ZNF503: variants seen among roughly 807,000 people sequenced by gnomAD.
ZNF503 encodes the protein zinc finger protein 503.
A neutral mutation model predicts 34.4 loss-of-function variants in ZNF503; 15 were observed. The ratio of observed to expected loss-of-function variants is 0.44; its 90% confidence interval spans 0.29 to 0.67. The LOEUF (loss-of-function observed/expected upper bound fraction) is 0.67, where lower values mean the gene tolerates loss of function less well. Among genes scored for constraint, ZNF503 ranks in the 30% least tolerant of loss-of-function variants. ZNF503 has a pLI of 0.13. For missense variants in ZNF503, 1,007 were observed against 926.8 expected (o/e 1.09, Z -1.12); for synonymous variants, 580 against 456.8 (o/e 1.27, Z -3.44).
At position 75,398,522 on chromosome 10, in the gene ZNF503, C is replaced by G; in HGVS notation, c.*227G>C. ...AAAAAGTCAAATGATATTTTTTCAACTTTTATAAAGTTTGGGTGGGGAGGT... is the reference window on the plus strand; with the variant it reads ...AAAAAGTCAAATGATATTTTTTCAAGTTTTATAAAGTTTGGGTGGGGAGGT... On this transcript the variant is annotated 3_prime_UTR_variant, in exon 2 of 2. Transcript: ENST00000372524. 1 of 396,588 alleles carries G rather than the reference C, an allele frequency of 2.5e-6. No homozygotes were observed. Among genetic ancestry groups the G allele is most frequent in the Non-Finnish European group, 4.4e-6 (1 of 226,972 alleles). The allele number at this position is 396,588 out of a possible 1,614,324, so 24.6% of individuals were successfully genotyped here. A position where few individuals can be genotyped will look rare whatever the true frequency, so the allele number is the denominator to read the frequency against.
chr10:75,375,983 C>T, the ZNF503 span, among the ~76,000 whole-genome samples: 9 of 152,078 alleles, frequency 5.9e-5, no homozygotes, highest in South Asian at 2.1e-4. Context: ...GAGTGGGAAC[C>T]GGAGGTACTG....
the ZNF503 span, among the ~76,000 whole-genome samples, chr10:75,388,757 G>A: frequency 6.6e-6 from 1 of 152,178 alleles, no homozygotes; most frequent in Non-Finnish European, 1.5e-5. Context: ...ACTTATTGCA[G>A]TTGATCACAC....
the ZNF503 span, among the ~76,000 whole-genome samples, chr10:75,371,310 G>C: frequency 2.0e-5 from 3 of 152,192 alleles, no homozygotes; most frequent in African/African-American, 4.8e-5. Flanking sequence ...AATACAGGAG[G>C]CCACTCAGCC....
At chr10:75,389,842 ATTAT>A in the ZNF503 span, among the ~76,000 whole-genome samples, 2 of 152,188 alleles carry the variant, frequency 1.3e-5, no homozygotes, top group African/African-American at 4.8e-5. Context: ...TTACACTATA[ATTAT>A]TTAAGGCAAG....
the ZNF503 span, among the ~76,000 whole-genome samples, chr10:75,303,646 C>A: frequency 6.6e-6 from 1 of 152,114 alleles, no homozygotes; most frequent in African/African-American, 2.4e-5. Context: ...CACTTTTCTG[C>A]AAGCAGTCAT....
chr10:75,318,755 G>A, the ZNF503 span, among the ~76,000 whole-genome samples: 2 of 150,422 alleles, frequency 1.3e-5, no homozygotes, highest in Non-Finnish European at 3.0e-5. Context: ...TAAACAGAAA[G>A]GAAATAATAA....
At chr10:75,288,921 T>C in the ZNF503 span, among the ~76,000 whole-genome samples, 2 of 152,114 alleles carry the variant, frequency 1.3e-5, no homozygotes, top group Non-Finnish European at 2.9e-5. Flanking sequence ...ACCAGGCGCT[T>C]GGTTGAGGGG....
At chr10:75,373,257 G>A in the ZNF503 span, 2 of 152,378 alleles carry the variant, frequency 1.3e-5, no homozygotes, top group Admixed American at 1.3e-4. Context: ...GGCAGATGGA[G>A]GCACAAAGGC....
chr10:75,289,480 C>T, the ZNF503 span, among the ~76,000 whole-genome samples: 4 of 152,194 alleles, frequency 2.6e-5, no homozygotes, highest in East Asian at 1.9e-4. Context: ...TCATCAGGGC[C>T]AACTCGAAGA....
chr10:75,401,531 G>T lies in ZNF503; in HGVS notation c.-112C>A. On this transcript the variant is annotated 5_prime_UTR_variant, in exon 1 of 2. Coordinates refer to ENST00000372524, the MANE Select transcript of ZNF503 (RefSeq NM_032772.6). ...AGGAGCAGCGGGAGGAGGAGGAGCT[G>T]GCGCGGCGGCCACGGGCGCCCAGCG... is the stretch of plus-strand genomic sequence containing the variant. 7.4e-7 allele frequency: 1 copy of T among 1,343,878 alleles called. No individual in the cohort carries two copies. Among genetic ancestry groups the T allele is most frequent in the Non-Finnish European group, 1.0e-6 (1 of 1,002,138 alleles). 83.2% of individuals were successfully genotyped at this position (1,343,878 alleles called of 1,614,324 possible).
At chr10:75,354,531 A>G in the ZNF503 span, among the ~76,000 whole-genome samples, 1 of 151,774 alleles carries the variant, frequency 6.6e-6, no homozygotes. Flanking sequence ...CGCACAGTAT[A>G]GTAGGATCCT....
At chr10:75,328,081 T>C in the ZNF503 span, among the ~76,000 whole-genome samples, 6 of 152,342 alleles carry the variant, frequency 3.9e-5, no homozygotes, top group African/African-American at 1.4e-4. Context: ...TTTCCTTTGC[T>C]GTGCAGGGGC....
chr10:75,284,469 GGAAGGGAGCAAAGCAGAAATAGAA>G, the ZNF503 span, among the ~76,000 whole-genome samples: 1 of 152,204 alleles, frequency 6.6e-6, no homozygotes, highest in East Asian at 1.9e-4. Context: ...AGAGAGGACA[GGAAGGGAGCAAAGCAGAAATAGAA>G]GAAAAAAATT....
rs1371986453 is a variant in ZNF503 at position 75,400,178 on chromosome 10, T to A, written c.512A>T (p.Asp171Val). 3.8e-6 allele frequency: 6 copies of A among 1,577,802 alleles called. No individual in the cohort carries two copies. In the South Asian group the frequency reaches 4.6e-5, roughly 12 times the overall value. ...GGAGTACGGCTTGAAACTCGACTTG[T>A]CCTCCACGCCGATGTCGCTCAGCTT... The part of the protein sequence containing the change: ...PLKLSDIGVE[D>V]KSSFKPYSKP... The change falls in exon 2 of 2, where the codon GAC (aspartate) becomes GTC (valine). Residue 171 changes from aspartate (D) to valine (V), a missense_variant. Asp to Val is a radical substitution (Grantham distance 152). Coordinates refer to ENST00000372524, the MANE Select transcript of ZNF503 (RefSeq NM_032772.6).
At chr10:75,328,209 T>A in the ZNF503 span, among the ~76,000 whole-genome samples, 1 of 152,196 alleles carries the variant, frequency 6.6e-6, no homozygotes. Flanking sequence ...TATGTTTTCT[T>A]CTAGTAGTTT....
At chr10:75,393,057 C>T (rs193230037), downstream of ZNF503, among the ~76,000 whole-genome samples, 1 of 152,294 alleles carries the variant, frequency 6.6e-6, no homozygotes. Flanking sequence ...ATGCTGGTCT[C>T]ACTCTAGGAA....
the ZNF503 span, among the ~76,000 whole-genome samples, chr10:75,353,322 C>T: frequency 6.6e-6 from 1 of 152,296 alleles, no homozygotes; most frequent in East Asian, 1.9e-4. Flanking sequence ...CTCACTCATC[C>T]CCCAGAGCAT....
chr10:75,341,631 G>GTAAT, the ZNF503 span, among the ~76,000 whole-genome samples: 1 of 152,150 alleles, frequency 6.6e-6, no homozygotes, highest in Non-Finnish European at 1.5e-5. Flanking sequence ...CTTAGCAAAA[G>GTAAT]TAATTAAAAT....
chr10:75,356,911 G>A, the ZNF503 span, among the ~76,000 whole-genome samples: 2,576 of 152,168 alleles, frequency 0.017, 38 homozygotes, highest in African/African-American at 0.043. Flanking sequence ...TAGGCGTGTC[G>A]AACAGTTTCT....
Sources: gnomAD v4.1 joint callset for allele counts (sites outside exome capture counted in the v4.1 genomes callset) on GRCh38, gnomAD v4.1.1 for gene constraint, MANE v1.5 for transcripts, NCBI Gene and HGNC (gene_info 2026-07-23, HGNC 2026-07-21) for gene names.